KHDRBS3: variants seen among roughly 807,000 people sequenced by gnomAD.
KHDRBS3 encodes the protein KH domain-containing, RNA-binding, signal transduction-associated protein 3.
Under a neutral mutation model 45.6 loss-of-function variants are expected in KHDRBS3, and 23 were observed. That is an observed-to-expected ratio of 0.50 (90% confidence interval 0.36 to 0.72). The LOEUF (loss-of-function observed/expected upper bound fraction) is 0.72, where lower values mean the gene tolerates loss of function less well. KHDRBS3 is among the 30% of genes least tolerant of loss of function. The probability of loss-of-function intolerance (pLI) is 0.00; values close to 1 mark genes in which losing one functional copy is unlikely to be tolerated. For synonymous variants in KHDRBS3, 162 were observed against 156.5 expected, an observed-to-expected ratio of 1.04 and a Z score of -0.26; for missense variants, 352 against 424.8, an observed-to-expected ratio of 0.83 and a Z score of 1.51.
chr8:135,480,353 T>A (rs577130581), intron 1 of KHDRBS3, among the ~76,000 whole-genome samples: 1 of 152,296 alleles, frequency 6.6e-6, no homozygotes, highest in South Asian at 2.1e-4. Context: ...TAAGTATTTG[T>A]AGGTGGTAAT....
At chr8:135,479,344 C>T (rs140726312) in intron 1 of KHDRBS3, among the ~76,000 whole-genome samples, 147 of 152,274 alleles carry the variant, frequency 9.7e-4, no homozygotes, top group African/African-American at 3.3e-3. Context: ...ATCCAGGTGG[C>T]GTCACTGGTG....
rs1323185129 is a variant in KHDRBS3, at chr8:135,606,828, C to CT, written c.808-124dup. On this transcript the variant is annotated intron_variant, in intron 6 of 8. Transcript: ENST00000355849. ...TCACCATTTTCACTCCTATATTTTT[C>CT]TTTACACTATAAGTAGACATATAAT... The CT allele has an allele frequency of 5.0e-6, 3 of 602,520 alleles. No individual in the cohort carries two copies. In the African/African-American group the frequency reaches 5.7e-5, roughly 11 times the overall value. The allele number at this position is 602,520 out of a possible 1,614,324, so 37.3% of individuals were successfully genotyped here.
intron 2 of KHDRBS3, chr8:135,542,295 G>A (rs1339727943): frequency 1.1e-5 from 2 of 181,998 alleles, no homozygotes; most frequent in Admixed American, 5.9e-5. Context: ...GACACCTGGT[G>A]TCATTTTTTC....
intron 1 of KHDRBS3, among the ~76,000 whole-genome samples, chr8:135,485,842 T>TTTTATATATATATATATATATATATATA (rs908619744): frequency 4.2e-5 from 5 of 120,324 alleles, no homozygotes; most frequent in South Asian, 5.0e-4. Flanking sequence ...CATTTCAAGT[T>TTTTATATATATATATATATATATATATA]TATATATATA....
intron 4 of KHDRBS3, among the ~76,000 whole-genome samples, chr8:135,550,782 A>C (rs1239567928): frequency 6.6e-6 from 1 of 152,120 alleles, no homozygotes; most frequent in Non-Finnish European, 1.5e-5. Flanking sequence ...GATTTGATAG[A>C]TATTATATTG....
rs141104905 is a variant in KHDRBS3 at position 135,489,149 on chromosome 8, T to A, written c.88+31195T>A. The stretch of plus-strand genomic sequence containing the variant: ...TAATATATTTAGAGAATTTCTTTTT[T>A]CTTTTTTGGTAATTCTGTCCAATGC... On this transcript the variant is annotated intron_variant, in intron 1 of 8. Coordinates refer to ENST00000355849, the MANE Select transcript of KHDRBS3 (RefSeq NM_006558.3). Among the ~76,000 whole-genome samples, 1,148 of 152,310 alleles carry A rather than the reference T, an allele frequency of 7.5e-3. 10 individuals are homozygous for A. Among genetic ancestry groups the A allele is most frequent in the African/African-American group, 0.026 (1,083 of 41,564 alleles).
intron 2 of KHDRBS3, among the ~76,000 whole-genome samples, chr8:135,521,785 TTGTG>T (rs1018735344): frequency 3.1e-4 from 47 of 152,358 alleles, no homozygotes; most frequent in African/African-American, 8.9e-4. Flanking sequence ...TTGCATACTG[TTGTG>T]TGTATTAGTA....
chr8:135,593,721 T>C (rs1828852204), intron 6 of KHDRBS3, among the ~76,000 whole-genome samples: 1 of 152,182 alleles, frequency 6.6e-6, no homozygotes, highest in Admixed American at 6.5e-5. Flanking sequence ...CAAGCAACCC[T>C]CCTGCCTCGG....
At chr8:135,596,110 CAT>C (rs1292613277) in intron 6 of KHDRBS3, among the ~76,000 whole-genome samples, 23 of 152,112 alleles carry the variant, frequency 1.5e-4, no homozygotes, top group African/African-American at 4.6e-4. Flanking sequence ...AAAAATGACT[CAT>C]GTGACTATTT....
intron 7 of KHDRBS3, among the ~76,000 whole-genome samples, chr8:135,640,490 A>G (rs1831015026): frequency 6.6e-6 from 1 of 152,182 alleles, no homozygotes; most frequent in Non-Finnish European, 1.5e-5. Context: ...ACTTGGTCTC[A>G]GTGCTATGAT....
At chr8:135,638,968 A>C (rs986055981) in intron 7 of KHDRBS3, among the ~76,000 whole-genome samples, 5 of 69,588 alleles carry the variant, frequency 7.2e-5, no homozygotes, top group Non-Finnish European at 6.6e-5. Flanking sequence ...ACTCCGTCTC[A>C]AAAAAAAAAA....
intron 4 of KHDRBS3, among the ~76,000 whole-genome samples, chr8:135,552,738 A>T (rs1401725721): frequency 6.6e-5 from 10 of 152,016 alleles, no homozygotes; most frequent in Admixed American, 5.9e-4. Flanking sequence ...ACAGCTAATA[A>T]TATCTCTGTT....
chr8:135,542,969 A>G (rs961014400), intron 3 of KHDRBS3, among the ~76,000 whole-genome samples, 199 bp downstream of exon 3: 2 of 152,242 alleles, frequency 1.3e-5, no homozygotes, highest in African/African-American at 4.8e-5. Flanking sequence ...TACATTAAAT[A>G]AAAACATAAT....
At chr8:135,594,146 T>G (rs1234340650) in intron 6 of KHDRBS3, among the ~76,000 whole-genome samples, 2 of 152,222 alleles carry the variant, frequency 1.3e-5, no homozygotes, top group African/African-American at 4.8e-5. Context: ...GAGCATGAGG[T>G]ACATAACAGG....
At chr8:135,522,332 C>T (rs1824956569) in intron 2 of KHDRBS3, among the ~76,000 whole-genome samples, 1 of 152,158 alleles carries the variant, frequency 6.6e-6, no homozygotes, top group Non-Finnish European at 1.5e-5. Context: ...ACCACATTTT[C>T]TTTATCCAGC....
At chr8:135,463,591 T>G (rs1471043996) in intron 1 of KHDRBS3, among the ~76,000 whole-genome samples, 1 of 152,206 alleles carries the variant, frequency 6.6e-6, no homozygotes, top group Non-Finnish European at 1.5e-5. Flanking sequence ...CTCATCAATT[T>G]GCTCTCCTTC....
At chr8:135,569,693 C>T (rs911645991) in intron 5 of KHDRBS3, among the ~76,000 whole-genome samples, 1 of 152,202 alleles carries the variant, frequency 6.6e-6, no homozygotes, top group Admixed American at 6.5e-5. Context: ...GGGCGACACT[C>T]CTCTCTTGGT....
chr8:135,536,966 CAAAAAAAAAAAAAAA>C (rs869256475), intron 2 of KHDRBS3, among the ~76,000 whole-genome samples: 6 of 11,778 alleles, frequency 5.1e-4, no homozygotes, highest in East Asian at 2.5e-3. Flanking sequence ...AACTCCATCT[CAAAAAAAAAAAAAAA>C]AAAAAAAAAA....
intron 1 of KHDRBS3, among the ~76,000 whole-genome samples, chr8:135,488,720 A>C (rs1401644665): frequency 6.6e-6 from 1 of 152,232 alleles, no homozygotes; most frequent in Non-Finnish European, 1.5e-5. Context: ...TACCAGAAGC[A>C]TAGAAAGAGT....
Sources: gnomAD v4.1 joint callset for allele counts (sites outside exome capture counted in the v4.1 genomes callset) on GRCh38, gnomAD v4.1.1 for gene constraint, MANE v1.5 for transcripts, NCBI Gene and HGNC (gene_info 2026-07-23, HGNC 2026-07-21) for gene names.